Variants in TNFRSF13B observed in about 807,000 individuals in gnomAD.
TNFRSF13B encodes TNF receptor superfamily member 13B.
In TNFRSF13B, 34 loss-of-function variants were observed where a neutral mutation model predicts 24.0. The ratio of observed to expected loss-of-function variants is 1.41; its 90% CI spans 1.08 to 1.88. The LOEUF is 1.88. TNFRSF13B is among the 40% of genes most tolerant of loss of function. TNFRSF13B has a pLI of 0.00. For missense variants in TNFRSF13B, 415 were observed against 380.8 expected, an observed-to-expected ratio of 1.09 and a Z score of -0.75; for synonymous variants, 173 against 150.3, an observed-to-expected ratio of 1.15 and a Z score of -1.10.
chr17:16,964,254 C>G (rs1472378341), intron 1 of TNFRSF13B, among the ~76,000 whole-genome samples: 1 of 151,282 alleles, frequency 6.6e-6, no homozygotes, highest in Non-Finnish European at 1.5e-5. Flanking sequence ...GAAAATGGCT[C>G]TAAGACCCCC....
In TNFRSF13B at chr17:16,961,130, G is replaced by A. The variant is rs865975761; in HGVS notation, c.62-8547C>T. On this transcript the variant is annotated intron_variant, in intron 1 of 4. Transcript: ENST00000261652. ...CGTTAGAGATCTGAAGCAAGTGGATGTGAAGGCACTGCTCATGGGAATGTA... is the reference window on the plus strand; with the variant it reads ...CGTTAGAGATCTGAAGCAAGTGGATATGAAGGCACTGCTCATGGGAATGTA... Among the ~76,000 whole-genome samples the A allele has an allele frequency of 2.6e-5, 4 of 152,362 alleles. 1 individual carries two copies. In the Middle Eastern group the frequency reaches 0.01, roughly 389 times the overall value.
rs34088818 is a variant in TNFRSF13B at position 16,940,426 on chromosome 17, G to A, written c.531C>T (p.Cys177=). 99 of 1,613,992 alleles carry A rather than the reference G, an allele frequency of 6.1e-5. No individual in the cohort carries two copies. The highest frequency in any genetic ancestry group is 4.5e-5 in the Non-Finnish European group (53 of 1,180,050). Reference sequence around the variant, plus strand: ...GGAAGCAGGCCACCGCCACCAGGAAGCAGCAGAGGACGGCACACAGGCAGA... The same window carrying A: ...GGAAGCAGGCCACCGCCACCAGGAAACAGCAGAGGACGGCACACAGGCAGA... The part of the protein sequence containing the change: ...LGLCLCAVLC[C]FLVAVACFLK... The change falls in exon 4 of 5, where the codon TGC becomes TGT. Residue 177 remains cysteine, a synonymous_variant. Coordinates refer to ENST00000261652, the MANE Select transcript of TNFRSF13B (RefSeq NM_012452.3).
Position 16,939,571 on chromosome 17 carries a change from GGCAGGCACACACACAA to G in TNFRSF13B, c.842_857del (p.Ile281ThrfsTer38), listed in dbSNP as rs2087491615. On this transcript the variant is annotated frameshift_variant, in exon 5 of 5. Transcript: ENST00000261652. LOFTEE classifies it high-confidence loss of function. ...TTTATGCACCTGGGCCCCCCTCCTGGGCAGGCACACACACAATGCCAAGGCCACTGTCTGGGATGTG... is the reference window on the plus strand; with the variant it reads ...TTTATGCACCTGGGCCCCCCTCCTGGTGCCAAGGCCACTGTCTGGGATGTG... 1.2e-6 allele frequency: 2 copies of G among 1,612,898 alleles called. No homozygotes were observed. Among genetic ancestry groups the G allele is most frequent in the Non-Finnish European group, 8.5e-7 (1 of 1,179,532 alleles).
In TNFRSF13B at chr17:16,967,231, A is replaced by C. The variant is rs1403932152; in HGVS notation, c.61+4784T>G. ...TGAGTAAATTACAGTACATTTATAC[A>C]CTAGATTGTTCTGTAGCTATCAACA... On this transcript the variant is annotated intron_variant, in intron 1 of 4. Transcript: ENST00000261652. 2.0e-5 allele frequency among the ~76,000 whole-genome samples: 3 copies of C among 152,268 alleles called. No individual in the cohort carries two copies. The East Asian group carries it at 5.8e-4, about 29-fold the overall frequency.
intron 3 of TNFRSF13B, among the ~76,000 whole-genome samples, chr17:16,948,045 T>C (rs1398659749): frequency 6.6e-6 from 1 of 152,210 alleles, no homozygotes; most frequent in Non-Finnish European, 1.5e-5. Context: ...TGCAGCAACA[T>C]GGATGCAACT....
intron 3 of TNFRSF13B, among the ~76,000 whole-genome samples, chr17:16,945,474 C>G (rs964387817): frequency 6.6e-6 from 1 of 152,246 alleles, no homozygotes; most frequent in African/African-American, 2.4e-5. Flanking sequence ...CACGCATTCC[C>G]TGTGTGACTG....
rs1479312530 is a variant in TNFRSF13B, at chr17:16,939,578, A to G, written c.851T>C (p.Val284Ala). Residue 284 changes from valine to alanine, a missense_variant, in exon 5 of 5, where the codon GTG becomes GCG. Physicochemically the swap from Val to Ala is moderately conservative, Grantham distance 64 (BLOSUM62 0). Coordinates refer to ENST00000261652, the MANE Select transcript of TNFRSF13B (RefSeq NM_012452.3). ...ACCTGGGCCCCCCTCCTGGGCAGGC[A>G]CACACACAATGCCAAGGCCACTGTC... ...IPDSGLGIVC[V>A]PAQEGGPGA 15 of 1,612,288 alleles carry G rather than the reference A, an allele frequency of 9.3e-6. No individual in the cohort carries two copies. Among genetic ancestry groups the G allele is most frequent in the Non-Finnish European group, 1.3e-5 (15 of 1,179,392 alleles).
intron 1 of TNFRSF13B, among the ~76,000 whole-genome samples, chr17:16,955,488 A>G (rs1442041828): frequency 3.3e-5 from 5 of 152,252 alleles, no homozygotes; most frequent in Non-Finnish European, 7.3e-5. Flanking sequence ...GGAAGATGTA[A>G]TCGAATAAAT....
intron 1 of TNFRSF13B, among the ~76,000 whole-genome samples, chr17:16,955,381 A>G (rs35830162): frequency 0.036 from 5,556 of 152,360 alleles, 128 homozygotes; most frequent in South Asian, 0.11. Context: ...TATCTAAGAA[A>G]CAAAACAGCA....
At chr17:16,952,056 G>T (rs35612151) in intron 2 of TNFRSF13B, among the ~76,000 whole-genome samples, 1 of 152,076 alleles carries the variant, frequency 6.6e-6, no homozygotes, top group African/African-American at 2.4e-5. Context: ...GATAAGTTCT[G>T]TAATAAAAAG....
At chr17:16,966,592 G>A (rs2087701286) in intron 1 of TNFRSF13B, among the ~76,000 whole-genome samples, 1 of 152,192 alleles carries the variant, frequency 6.6e-6, no homozygotes, top group African/African-American at 2.4e-5. Context: ...GGCAGAGCCT[G>A]TGGGGAGAGT....
intron 3 of TNFRSF13B, among the ~76,000 whole-genome samples, chr17:16,941,958 T>C (rs1597657748): frequency 6.6e-6 from 1 of 152,338 alleles, no homozygotes; most frequent in Admixed American, 6.5e-5. Flanking sequence ...CGTTTCTCTT[T>C]AGGCGGAATG....
At chr17:16,945,486 C>A (rs2087541383) in intron 3 of TNFRSF13B, among the ~76,000 whole-genome samples, 1 of 152,250 alleles carries the variant, frequency 6.6e-6, no homozygotes, top group Admixed American at 6.5e-5. Context: ...GTGTGACTGT[C>A]AGCAAGTCAC....
chr17:16,956,540 G>A (rs1039541186), intron 1 of TNFRSF13B, among the ~76,000 whole-genome samples: 6 of 152,228 alleles, frequency 3.9e-5, no homozygotes, highest in African/African-American at 1.4e-4. Flanking sequence ...TCAGGAAAAT[G>A]TTGTGTGAAC....
At chr17:16,967,751 C>CAAA (rs975103327) in intron 1 of TNFRSF13B, among the ~76,000 whole-genome samples, 44 of 24,406 alleles carry the variant, frequency 1.8e-3, no homozygotes, top group African/African-American at 3.7e-3. Context: ...GACTCCGTCT[C>CAAA]AAAAAAAAAA....
chr17:16,944,405 C>T (rs1003347504), intron 3 of TNFRSF13B, among the ~76,000 whole-genome samples: 15 of 152,158 alleles, frequency 9.9e-5, no homozygotes, highest in Admixed American at 2.0e-4. Context: ...TCTATGAAGG[C>T]GAACAACTCC....
At chr17:16,954,961 A>G (rs1159744512) in intron 1 of TNFRSF13B, among the ~76,000 whole-genome samples, 2 of 152,230 alleles carry the variant, frequency 1.3e-5, no homozygotes, top group Non-Finnish European at 2.9e-5. Flanking sequence ...GAGTGTGGCA[A>G]CCAGGTTTTT....
intron 1 of TNFRSF13B, among the ~76,000 whole-genome samples, chr17:16,953,540 C>T (rs1024556207): frequency 6.6e-5 from 10 of 152,168 alleles, no homozygotes; most frequent in African/African-American, 1.9e-4. Context: ...TTGTTACCCT[C>T]ATAGGCTAAT....
intron 1 of TNFRSF13B, among the ~76,000 whole-genome samples, chr17:16,956,833 A>C (rs758598837): frequency 6.6e-6 from 1 of 152,188 alleles, no homozygotes; most frequent in Non-Finnish European, 1.5e-5. Context: ...CAATACAAAA[A>C]TCAGTGATTC....
Sources: gnomAD v4.1 joint callset for allele counts (sites outside exome capture counted in the v4.1 genomes callset) on GRCh38, gnomAD v4.1.1 for gene constraint, MANE v1.5 for transcripts, NCBI Gene and HGNC (gene_info 2026-07-23, HGNC 2026-07-21) for gene names.